The following TAFA4 variants were observed in gnomAD, a reference collection of about 807,000 sequenced individuals.
TAFA4 encodes chemokine-like protein TAFA-4.
In TAFA4, 20 loss-of-function variants were observed where a neutral mutation model predicts 21.1. The ratio of observed to expected loss-of-function variants is 0.95; its 90% CI spans 0.67 to 1.38. The LOEUF is 1.38. Ranked by LOEUF, TAFA4 falls within the 40% of genes most tolerant of loss-of-function variation. TAFA4 has a pLI of 0.00. For synonymous variants in TAFA4, 71 were observed against 67.4 expected, an observed-to-expected ratio of 1.05 and a Z score of -0.26; for missense variants, 211 against 180.9, an observed-to-expected ratio of 1.17 and a Z score of -0.95.
intron 1 of TAFA4, among the ~76,000 whole-genome samples, chr3:68,918,132 T>TAC (rs71618251): frequency 0.49 from 72,306 of 148,720 alleles, 17,808 homozygotes; most frequent in Non-Finnish European, 0.55. Flanking sequence ...CAGACACACA[T>TAC]ACACACACAC....
intron 3 of TAFA4, among the ~76,000 whole-genome samples, chr3:68,808,594 C>T (rs1559527835): frequency 6.6e-6 from 1 of 152,108 alleles, no homozygotes; most frequent in Non-Finnish European, 1.5e-5. Flanking sequence ...CTCTGATTTC[C>T]CCATGACAAA....
chr3:68,841,318 G>A lies in TAFA4; in HGVS notation c.130+39412C>T, dbSNP rs1460096352. ...AGCCTGGGCGACAGAGCGAGACTCC[G>A]TCTCAAAAAAAAAAAAAATAAAAAA... On this transcript the variant is annotated intron_variant, in intron 3 of 5. Transcript: ENST00000295569. Among the ~76,000 whole-genome samples the A allele has an allele frequency of 6.7e-5, 4 of 59,850 alleles. 1 individual carries two copies. In the East Asian group the frequency reaches 1.1e-3, roughly 17 times the overall value. The allele number at this position is 59,850 out of a possible 152,430, so 39.3% of individuals were successfully genotyped here. A position where few individuals can be genotyped will look rare whatever the true frequency, so the allele number is the denominator to read the frequency against.
At position 68,787,868 on chromosome 3, in the gene TAFA4, C is replaced by A. The variant is rs528662526; in HGVS notation, c.131-34850G>T. On this transcript the variant is annotated intron_variant, in intron 3 of 5. Transcript: ENST00000295569. ...AGCACTCAAAACTAGCAACTTGTAA[C>A]CCGATTCCAACCCACAGGTGTTTCA... is the stretch of plus-strand genomic sequence containing the variant. 3.9e-5 allele frequency among the ~76,000 whole-genome samples: 6 copies of A among 152,294 alleles called. No individual in the cohort carries two copies. The South Asian group carries it at 1.2e-3, about 32-fold the overall frequency.
intron 3 of TAFA4, among the ~76,000 whole-genome samples, chr3:68,805,312 T>C (rs1333807974): frequency 1.3e-5 from 2 of 152,126 alleles, no homozygotes; most frequent in Non-Finnish European, 2.9e-5. Context: ...CAACAGATGC[T>C]GGAGAGGATG....
intron 4 of TAFA4, among the ~76,000 whole-genome samples, chr3:68,746,934 T>C: frequency 6.6e-6 from 1 of 152,206 alleles, no homozygotes; most frequent in East Asian, 1.9e-4. Flanking sequence ...CATTGTAAGA[T>C]GTAAGGCAGC....
At chr3:68,922,876 C>T (rs1338724892) in intron 1 of TAFA4, among the ~76,000 whole-genome samples, 1 of 152,144 alleles carries the variant, frequency 6.6e-6, no homozygotes. Flanking sequence ...ACTGAGAACA[C>T]CAGAGCTTGG....
At chr3:68,903,813 A>G (rs899937483) in intron 1 of TAFA4, among the ~76,000 whole-genome samples, 2 of 152,200 alleles carry the variant, frequency 1.3e-5, no homozygotes, top group Non-Finnish European at 2.9e-5. Context: ...AAACTCCCAA[A>G]GGGACCGATG....
rs565244389 is a variant in TAFA4 at position 68,814,587 on chromosome 3, C to G, written c.131-61569G>C. 2.0e-5 allele frequency among the ~76,000 whole-genome samples: 3 copies of G among 152,214 alleles called. No homozygotes were observed. The East Asian group carries it at 5.8e-4, about 29-fold the overall frequency. ...AATCGCCTCAAAGAGAATAAAATAC[C>G]TAGGAATCCAACTTACAAGGAATGT... On this transcript the variant is annotated intron_variant, in intron 3 of 5. Coordinates refer to ENST00000295569, the MANE Select transcript of TAFA4 (RefSeq NM_182522.5).
At chr3:68,787,916 G>GT (rs1703290398) in intron 3 of TAFA4, among the ~76,000 whole-genome samples, 2 of 152,138 alleles carry the variant, frequency 1.3e-5, no homozygotes, top group Non-Finnish European at 2.9e-5. Context: ...CTCTGAAAAT[G>GT]TTTTAGTTGT....
At chr3:68,733,962 G>GA (rs1702196524) in intron 5 of TAFA4, among the ~76,000 whole-genome samples, 1 of 151,960 alleles carries the variant, frequency 6.6e-6, no homozygotes, top group African/African-American at 2.4e-5. Flanking sequence ...CAAAAACCCT[G>GA]CCCCCATGGA....
rs532046973 is a variant in TAFA4, at chr3:68,820,908, A to T, written c.130+59822T>A. 5.9e-5 allele frequency among the ~76,000 whole-genome samples: 9 copies of T among 152,346 alleles called. No homozygotes were observed. In the East Asian group the frequency reaches 9.6e-4, roughly 16 times the overall value. On this transcript the variant is annotated intron_variant, in intron 3 of 5. Transcript: ENST00000295569. ...AAAAATGTAAATACACCATAATTTT[A>T]GAAAATGCAAAGAATTTTGTTTCGA...
chr3:68,827,110 C>A (rs1704258218), intron 3 of TAFA4, among the ~76,000 whole-genome samples: 1 of 149,902 alleles, frequency 6.7e-6, no homozygotes, highest in Non-Finnish European at 1.5e-5. Context: ...TATTCAGCTC[C>A]CACTTATAAC....
chr3:68,860,345 A>G (rs2089319382), intron 3 of TAFA4, among the ~76,000 whole-genome samples: 1 of 152,164 alleles, frequency 6.6e-6, no homozygotes, highest in Non-Finnish European at 1.5e-5. Context: ...CACCTATAAA[A>G]CATTAAAAAT....
chr3:68,858,246 C>T (rs1047300218), intron 3 of TAFA4, among the ~76,000 whole-genome samples: 2 of 152,090 alleles, frequency 1.3e-5, no homozygotes, highest in Admixed American at 6.6e-5. Flanking sequence ...TGGAAATGCA[C>T]GGCATCCTTT....
intron 1 of TAFA4, among the ~76,000 whole-genome samples, chr3:68,892,835 A>G (rs2089743887): frequency 6.6e-6 from 1 of 152,356 alleles, no homozygotes; most frequent in East Asian, 1.9e-4. Context: ...TAAAAAGTAC[A>G]AAAGCAATCA....
intron 1 of TAFA4, among the ~76,000 whole-genome samples, chr3:68,914,855 G>A (rs1254278760): frequency 6.6e-6 from 1 of 151,868 alleles, no homozygotes; most frequent in Non-Finnish European, 1.5e-5. Flanking sequence ...CTTCCCAAAT[G>A]GTTGGGGGAA....
intron 3 of TAFA4, among the ~76,000 whole-genome samples, chr3:68,865,224 A>C (rs1055780205): frequency 2.6e-5 from 4 of 152,120 alleles, no homozygotes; most frequent in Non-Finnish European, 4.4e-5. Context: ...ACAAATATTC[A>C]GCACTCAGAT....
chr3:68,929,569 T>A (rs1384059018), intron 1 of TAFA4, among the ~76,000 whole-genome samples: 1 of 152,260 alleles, frequency 6.6e-6, no homozygotes, highest in African/African-American at 2.4e-5. Flanking sequence ...CCTACGTGGC[T>A]ATCTCTAGGA....
intron 5 of TAFA4, among the ~76,000 whole-genome samples, chr3:68,735,281 T>C (rs1702217724): frequency 6.6e-6 from 1 of 152,168 alleles, no homozygotes; most frequent in Admixed American, 6.5e-5. Context: ...AAGATGCTTA[T>C]AATCTGTATT....
Sources: gnomAD v4.1 joint callset for allele counts (sites outside exome capture counted in the v4.1 genomes callset) on GRCh38, gnomAD v4.1.1 for gene constraint, MANE v1.5 for transcripts, NCBI Gene and HGNC (gene_info 2026-07-23, HGNC 2026-07-21) for gene names.